BTAF1: variants seen among roughly 807,000 people sequenced by gnomAD.
The protein encoded by BTAF1 is TATA-binding protein-associated factor 172.
A neutral mutation model predicts 227.1 loss-of-function variants in BTAF1; 38 were observed. The observed-to-expected ratio is 0.17, with a 90% confidence interval of 0.13 to 0.22. BTAF1 has a LOEUF of 0.22. Ranked by LOEUF, BTAF1 falls within the 10% of genes least tolerant of loss-of-function variation. The probability of loss-of-function intolerance (pLI) is 1.00; values close to 1 mark genes in which losing one functional copy is unlikely to be tolerated. For synonymous variants in BTAF1, 742 were observed against 751.9 expected (o/e 0.99, Z 0.21); for missense variants, 1,598 against 2,204.0 (o/e 0.73, Z 5.51).
chr10:91,950,602 G>A (rs1340914110), intron 4 of BTAF1, among the ~76,000 whole-genome samples: 1 of 151,942 alleles, frequency 6.6e-6, no homozygotes, highest in East Asian at 1.9e-4. Flanking sequence ...AGGATTGAGG[G>A]TTTTACTTGA....
chr10:91,924,132 G>A (rs1402852891), intron 1 of BTAF1, 42 bp downstream of exon 1: 1 of 1,601,290 alleles, frequency 6.2e-7, no homozygotes, highest in Non-Finnish European at 8.5e-7. Flanking sequence ...GGCGATTCAG[G>A]GAAGGCATGG....
intron 34 of BTAF1, among the ~76,000 whole-genome samples, chr10:92,019,999 G>C (rs1851012960): frequency 6.6e-6 from 1 of 150,922 alleles, no homozygotes; most frequent in African/African-American, 2.4e-5. Context: ...TGGGATTATA[G>C]GCATGAGCTA....
At chr10:92,018,311 G>C (rs1850879371) in intron 33 of BTAF1, among the ~76,000 whole-genome samples, 1 of 152,134 alleles carries the variant, frequency 6.6e-6, no homozygotes, top group Non-Finnish European at 1.5e-5. Flanking sequence ...TTGAACTCCT[G>C]ACCTCAGGAT....
intron 13 of BTAF1, among the ~76,000 whole-genome samples, chr10:91,965,569 A>T (rs757077242): frequency 7.9e-5 from 12 of 152,220 alleles, no homozygotes; most frequent in African/African-American, 2.9e-4. Flanking sequence ...TATTAATTCA[A>T]TGTGAAATAA....
At chr10:92,027,336 C>G in intron 37 of BTAF1, 36 bp downstream of exon 37, 1 of 1,551,222 alleles carries the variant, frequency 6.4e-7, no homozygotes, top group Non-Finnish European at 8.7e-7. Context: ...ATCTTTGAGT[C>G]ACAGGCTTCC....
In BTAF1 at chr10:91,982,336, A is replaced by T. The variant is rs570128555; in HGVS notation, c.2048+111A>T. The T allele has an allele frequency of 5.3e-5, 76 of 1,437,972 alleles. No individual in the cohort carries two copies. In the African/African-American group the frequency reaches 9.5e-4, roughly 18 times the overall value. 89.1% of individuals were successfully genotyped at this position (1,437,972 alleles called of 1,614,324 possible). A position where few individuals can be genotyped will look rare whatever the true frequency, so the allele number is the denominator to read the frequency against. Reference sequence around the variant, plus strand: ...GTCTCCATCAGTCCTTCCTTCCTTCATCACACTAATTATAGCCTAAGGAAA... The same window carrying T: ...GTCTCCATCAGTCCTTCCTTCCTTCTTCACACTAATTATAGCCTAAGGAAA... On this transcript the variant is annotated intron_variant, in intron 17 of 37. Transcript: ENST00000265990.
chr10:91,937,109 CT>C (rs1315600614), intron 2 of BTAF1, among the ~76,000 whole-genome samples: 6 of 151,876 alleles, frequency 4.0e-5, no homozygotes, highest in Admixed American at 2.6e-4. Flanking sequence ...ATTCTCCTGC[CT>C]TAGCCTCCCG....
At position 91,923,965 on chromosome 10, in the gene BTAF1, C is replaced by A; in HGVS notation, c.-112C>A. ...CTGGAACGCCCCACGCCGCACCGGC[C>A]GCTCCCCTGTGCTCCGCGGCCTGGG... On this transcript the variant is annotated 5_prime_UTR_variant, in exon 1 of 38. Coordinates refer to ENST00000265990, the MANE Select transcript of BTAF1 (RefSeq NM_003972.3). 6 of 1,353,246 alleles carry A rather than the reference C, an allele frequency of 4.4e-6. No individual in the cohort carries two copies. The highest frequency in any genetic ancestry group is 5.8e-6 in the Non-Finnish European group (6 of 1,030,904). 83.8% of individuals were successfully genotyped at this position (1,353,246 alleles called of 1,614,324 possible).
intron 4 of BTAF1, among the ~76,000 whole-genome samples, chr10:91,949,675 T>C (rs1176170308): frequency 6.6e-6 from 1 of 152,224 alleles, no homozygotes; most frequent in Admixed American, 6.5e-5. Flanking sequence ...TGGAGTCTGC[T>C]CTGGGCATGC....
intron 3 of BTAF1, among the ~76,000 whole-genome samples, chr10:91,941,040 A>G (rs887266451): frequency 1.3e-5 from 2 of 152,204 alleles, no homozygotes; most frequent in Non-Finnish European, 2.9e-5. Flanking sequence ...CACTTTTATC[A>G]TAAGTCTTAG....
intron 4 of BTAF1, among the ~76,000 whole-genome samples, chr10:91,944,578 T>C (rs1345111096): frequency 6.6e-6 from 1 of 152,250 alleles, no homozygotes; most frequent in African/African-American, 2.4e-5. Context: ...ATTTATACAT[T>C]ATACAATTCA....
intron 4 of BTAF1, among the ~76,000 whole-genome samples, chr10:91,947,508 C>G (rs1845452250): frequency 6.6e-6 from 1 of 152,084 alleles, no homozygotes; most frequent in Non-Finnish European, 1.5e-5. Flanking sequence ...TGTCAAAAAT[C>G]AATTGACCAT....
chr10:92,027,865 CATAG>C (rs1224743377), intron 37 of BTAF1, among the ~76,000 whole-genome samples: 5 of 152,088 alleles, frequency 3.3e-5, no homozygotes, highest in Non-Finnish European at 4.4e-5. Context: ...TAAAGTCCTA[CATAG>C]GTTCAGAAAA....
At chr10:91,985,594 C>G (rs552035425) in intron 19 of BTAF1, among the ~76,000 whole-genome samples, 1 of 152,236 alleles carries the variant, frequency 6.6e-6, no homozygotes, top group South Asian at 2.1e-4. Context: ...TCATTTTACC[C>G]TCTGACCATC....
At chr10:91,951,999 A>G (rs1019116612) in intron 5 of BTAF1, among the ~76,000 whole-genome samples, 1 of 151,912 alleles carries the variant, frequency 6.6e-6, no homozygotes, top group Non-Finnish European at 1.5e-5. Flanking sequence ...GAAAGGGTAT[A>G]TAATATGAAG....
At chr10:92,026,213 C>T (rs1851507783) in intron 35 of BTAF1, among the ~76,000 whole-genome samples, 1 of 152,142 alleles carries the variant, frequency 6.6e-6, no homozygotes, top group Non-Finnish European at 1.5e-5. Flanking sequence ...ACACTCTCAC[C>T]TTCTGTCGTC....
intron 19 of BTAF1, among the ~76,000 whole-genome samples, chr10:91,987,112 CTTTT>C (rs11347841): frequency 6.1e-5 from 7 of 114,962 alleles, no homozygotes; most frequent in Non-Finnish European, 1.1e-4. Flanking sequence ...CAAAAACTGG[CTTTT>C]TTTTTTTTTT....
At chr10:91,997,534 T>C (rs1055859980) in intron 24 of BTAF1, 69 bp from the exon 25 acceptor site, 3 of 1,374,098 alleles carry the variant, frequency 2.2e-6, no homozygotes, top group African/African-American at 2.9e-5. Context: ...GTTAAAATCT[T>C]GGTATCAGTT....
At chr10:91,932,243 T>C (rs567329755) in intron 1 of BTAF1, among the ~76,000 whole-genome samples, 10 of 152,310 alleles carry the variant, frequency 6.6e-5, no homozygotes. Flanking sequence ...GCCTATTGCA[T>C]GGCATTTTTC....
Sources: gnomAD v4.1 joint callset for allele counts (sites outside exome capture counted in the v4.1 genomes callset) on GRCh38, gnomAD v4.1.1 for gene constraint, MANE v1.5 for transcripts, NCBI Gene and HGNC (gene_info 2026-07-23, HGNC 2026-07-21) for gene names.